Variants in GUCY1A2 observed in about 807,000 individuals in gnomAD.
GUCY1A2 encodes guanylate cyclase 1 soluble subunit alpha 2, also known as guanylate cyclase soluble subunit alpha-2.
A neutral mutation model predicts 63.5 loss-of-function variants in GUCY1A2; 27 were observed. The observed-to-expected ratio is 0.43, with a 90% confidence interval of 0.31 to 0.59. GUCY1A2 has a LOEUF of 0.59. Among genes scored for constraint, GUCY1A2 ranks in the 20% least tolerant of loss-of-function variants. The pLI is 0.11. For synonymous variants in GUCY1A2, 364 were observed against 343.5 expected, an observed-to-expected ratio of 1.06 and a Z score of -0.66; for missense variants, 768 against 913.3, an observed-to-expected ratio of 0.84 and a Z score of 2.05.
chr11:106,835,429 T>C (rs934556292), intron 4 of GUCY1A2, among the ~76,000 whole-genome samples: 1 of 151,652 alleles, frequency 6.6e-6, no homozygotes, highest in Non-Finnish European at 1.5e-5. Flanking sequence ...ATATATGATA[T>C]AGAATGTGAA....
chr11:106,795,691 C>A (rs2135415132), intron 5 of GUCY1A2, among the ~76,000 whole-genome samples: 1 of 152,240 alleles, frequency 6.6e-6, no homozygotes, highest in African/African-American at 2.4e-5. Flanking sequence ...TATTTATATC[C>A]ATTTTAACCC....
At chr11:106,770,792 G>A (rs1864242283) in intron 6 of GUCY1A2, among the ~76,000 whole-genome samples, 1 of 150,628 alleles carries the variant, frequency 6.6e-6, no homozygotes, top group Admixed American at 6.6e-5. Flanking sequence ...TAATATTCCT[G>A]CTTTTGCACC....
chr11:106,796,653 C>G (rs1398431122), intron 5 of GUCY1A2, among the ~76,000 whole-genome samples: 3 of 152,202 alleles, frequency 2.0e-5, no homozygotes, highest in Non-Finnish European at 4.4e-5. Context: ...AGCTGTTAGT[C>G]TGATGGGCTT....
chr11:106,833,370 T>G (rs916831354), intron 4 of GUCY1A2, among the ~76,000 whole-genome samples: 10 of 152,218 alleles, frequency 6.6e-5, no homozygotes, highest in Admixed American at 6.5e-5. Flanking sequence ...ATCTGTTCAC[T>G]AGATTATGGG....
At chr11:106,934,061 A>G (rs543558254) in intron 4 of GUCY1A2, among the ~76,000 whole-genome samples, 1 of 152,186 alleles carries the variant, frequency 6.6e-6, no homozygotes, top group Non-Finnish European at 1.5e-5. Context: ...TACCCACGTA[A>G]CAAACCCATA....
At position 106,962,369 on chromosome 11, in the gene GUCY1A2, G is replaced by A. The variant is rs541244068; in HGVS notation, c.487+16250C>T. On this transcript the variant is annotated intron_variant, in intron 3 of 7. Transcript: ENST00000526355. Reference sequence around the variant, plus strand: ...GATCGAGACCATCCTGGCTAACATGGTGAAACCCCATCTCCACTTAAAAAA... The same window carrying A: ...GATCGAGACCATCCTGGCTAACATGATGAAACCCCATCTCCACTTAAAAAA... Among the ~76,000 whole-genome samples the A allele has an allele frequency of 1.2e-4, 17 of 142,976 alleles. No individual in the cohort carries two copies. The South Asian group carries it at 3.7e-3, about 31-fold the overall frequency. 93.8% of individuals were successfully genotyped at this position (142,976 alleles called of 152,430 possible).
At chr11:106,900,291 C>T (rs887164618) in intron 4 of GUCY1A2, among the ~76,000 whole-genome samples, 2 of 152,136 alleles carry the variant, frequency 1.3e-5, no homozygotes, top group African/African-American at 4.8e-5. Context: ...TCCAGAGAGC[C>T]TCCTACCTCA....
intron 6 of GUCY1A2, among the ~76,000 whole-genome samples, chr11:106,773,793 T>G (rs1864301457): frequency 6.6e-6 from 1 of 152,226 alleles, no homozygotes; most frequent in Admixed American, 6.6e-5. Flanking sequence ...ATTACATGTG[T>G]CACAAAAATA....
chr11:106,694,204 A>T (rs1439701370), intron 7 of GUCY1A2, among the ~76,000 whole-genome samples: 1 of 152,182 alleles, frequency 6.6e-6, no homozygotes, highest in Non-Finnish European at 1.5e-5. Context: ...GAATTTAGGA[A>T]ATAACCTGGG....
chr11:106,859,104 T>C (rs962089795), intron 4 of GUCY1A2, among the ~76,000 whole-genome samples: 1 of 152,034 alleles, frequency 6.6e-6, no homozygotes, highest in Non-Finnish European at 1.5e-5. Context: ...GACCTACTAC[T>C]GACATTATGT....
At position 106,810,249 on chromosome 11, in the gene GUCY1A2, G is replaced by C; in HGVS notation, c.1436C>G (p.Thr479Ser). 1.9e-6 allele frequency: 3 copies of C among 1,613,908 alleles called. No individual in the cohort carries two copies. Among genetic ancestry groups the C allele is most frequent in the Non-Finnish European group, 2.5e-6 (3 of 1,179,888 alleles). The change falls in exon 5 of 8, where the codon ACT becomes AGT. Residue 479 changes from threonine to serine, a missense_variant. Thr to Ser is a moderately conservative substitution (Grantham distance 58, BLOSUM62 1). Transcript: ENST00000526355. ...TTTCTCTTCTTCCAGGGCCTGGTGA[G>C]TTCTTTCTAAAGTTGCCTTTAATTT... Reference protein sequence around the residue: ...MDKLKATLERTHQALEEEKKK... With the variant: ...MDKLKATLERSHQALEEEKKK...
Position 107,018,025 on chromosome 11 carries a change from A to T in GUCY1A2, c.31T>A (p.Phe11Ile). The change falls in exon 1 of 8, where the codon TTC (phenylalanine) becomes ATC (isoleucine). Residue 11 changes from phenylalanine to isoleucine, a missense_variant. This residue lies in a region of GUCY1A2 where 496 missense variants were observed against 486.9 expected (regional missense o/e 1.02). Coordinates refer to ENST00000526355, the MANE Select transcript of GUCY1A2 (RefSeq NM_000855.3). MSRRKISSES[F>I]SSLGSDYLET... ...AGGTAGTCGGAGCCCAGGGAGCTGA[A>T]GGACTCGGACGAAATCTTCCTTCGA... 1 of 1,476,324 alleles carries T rather than the reference A, an allele frequency of 6.8e-7. No homozygotes were observed. The highest frequency in any genetic ancestry group is 2.0e-5 in the Admixed American group (1 of 49,110). 91.5% of individuals were successfully genotyped at this position (1,476,324 alleles called of 1,614,324 possible).
chr11:106,744,474 C>T (rs757480430), intron 6 of GUCY1A2, among the ~76,000 whole-genome samples: 49 of 152,206 alleles, frequency 3.2e-4, no homozygotes, highest in South Asian at 1.2e-3. Flanking sequence ...TTTAAATCAT[C>T]GGAATGGTTG....
At chr11:106,975,961 G>A (rs776778380) in intron 3 of GUCY1A2, among the ~76,000 whole-genome samples, 2 of 152,108 alleles carry the variant, frequency 1.3e-5, no homozygotes, top group Non-Finnish European at 2.9e-5. Context: ...ACTTTCTAGA[G>A]GAGTTGTTTA....
At chr11:106,795,271 C>A (rs1465616292) in intron 5 of GUCY1A2, among the ~76,000 whole-genome samples, 1 of 152,152 alleles carries the variant, frequency 6.6e-6, no homozygotes, top group Non-Finnish European at 1.5e-5. Context: ...CAGTCCTCAT[C>A]TGGGCTCTCT....
At chr11:106,704,631 C>A (rs1862875579) in intron 7 of GUCY1A2, among the ~76,000 whole-genome samples, 1 of 151,980 alleles carries the variant, frequency 6.6e-6, no homozygotes, top group South Asian at 2.1e-4. Flanking sequence ...ATGAGAAAAG[C>A]AAAAATGTTT....
At chr11:106,813,584 C>T (rs1409901021) in intron 4 of GUCY1A2, among the ~76,000 whole-genome samples, 3 of 152,000 alleles carry the variant, frequency 2.0e-5, no homozygotes. Context: ...AATCCATGCT[C>T]TCATGGAGCT....
At chr11:106,730,744 G>A (rs1863489025) in intron 6 of GUCY1A2, among the ~76,000 whole-genome samples, 1 of 152,060 alleles carries the variant, frequency 6.6e-6, no homozygotes, top group African/African-American at 2.4e-5. Flanking sequence ...CAGTGTATAA[G>A]CATTCGTTTT....
At chr11:106,808,650 AAAAAC>A (rs1858724243) in intron 5 of GUCY1A2, among the ~76,000 whole-genome samples, 1 of 133,870 alleles carries the variant, frequency 7.5e-6, no homozygotes, top group Admixed American at 8.6e-5. Context: ...ACAAAACAAA[AAAAAC>A]ATGACTGCTT....
Sources: allele counts gnomAD v4.1 joint callset (sites outside exome capture counted in the v4.1 genomes callset), GRCh38; gene constraint gnomAD v4.1.1; regional missense constraint gnomAD v4.1.1; transcripts MANE v1.5; gene names NCBI Gene and HGNC (gene_info 2026-07-23, HGNC 2026-07-21).